GSE1: variants seen among roughly 807,000 people sequenced by gnomAD.
GSE1 encodes the protein Gse1 coiled-coil protein, also known as genetic suppressor element 1.
GSE1 carries 32 observed loss-of-function variants against 112.6 expected under a neutral mutation model. That is an observed-to-expected ratio of 0.28 (90% CI 0.21 to 0.38). GSE1 has a LOEUF of 0.38. Ranked by LOEUF, GSE1 falls within the 10% of genes least tolerant of loss-of-function variation. GSE1 has a pLI of 1.00. For synonymous variants in GSE1, 1,115 were observed against 735.6 expected, an observed-to-expected ratio of 1.52 and a Z score of -8.35; for missense variants, 2,348 against 1,699.2, an observed-to-expected ratio of 1.38 and a Z score of -6.71.
At chr16:85,297,858 T>C (rs1464604498) in intron 1 of GSE1, among the ~76,000 whole-genome samples, 2 of 152,164 alleles carry the variant, frequency 1.3e-5, no homozygotes, top group African/African-American at 2.4e-5. Context: ...GTTGCTGGGA[T>C]ATGAAATCTC....
intron 1 of GSE1, among the ~76,000 whole-genome samples, chr16:85,270,432 G>A (rs1908716587): frequency 6.7e-6 from 1 of 148,986 alleles, no homozygotes; most frequent in Admixed American, 6.7e-5. Flanking sequence ...GTGACTCTCC[G>A]AGGACACAGC....
chr16:85,630,030 C>A (rs2049410453), intron 1 of GSE1, among the ~76,000 whole-genome samples: 1 of 152,166 alleles, frequency 6.6e-6, no homozygotes, highest in Non-Finnish European at 1.5e-5. Flanking sequence ...GGGCTGCGGT[C>A]TCATCAGAAG....
At chr16:85,581,171 G>A (rs1399692839) in intron 1 of GSE1, among the ~76,000 whole-genome samples, 4 of 152,204 alleles carry the variant, frequency 2.6e-5, no homozygotes, top group Non-Finnish European at 4.4e-5. Context: ...TCCTCTCTCC[G>A]CAGCAGCTCT....
intron 2 of GSE1, among the ~76,000 whole-genome samples, chr16:85,478,949 T>C (rs34166351): frequency 0.31 from 21,782 of 71,112 alleles, 5,165 homozygotes; most frequent in Non-Finnish European, 0.35. Flanking sequence ...TTCTTTCTTT[T>C]TTTTTCTTTC....
At chr16:85,220,856 C>G (rs1464264591) in intron 1 of GSE1, among the ~76,000 whole-genome samples, 1 of 152,122 alleles carries the variant, frequency 6.6e-6, no homozygotes, top group Admixed American at 6.5e-5. Context: ...CTCCCCATCC[C>G]TTTTCCGTTG....
At chr16:85,250,279 C>G (rs891481374) in intron 1 of GSE1, among the ~76,000 whole-genome samples, 1 of 152,254 alleles carries the variant, frequency 6.6e-6, no homozygotes, top group Non-Finnish European at 1.5e-5. Flanking sequence ...GTCCTGGGTT[C>G]CCGGCAGAGG....
chr16:85,598,167 G>GTTTTTTTTTTTTT (rs973836177), intron 1 of GSE1, among the ~76,000 whole-genome samples: 5 of 71,550 alleles, frequency 7.0e-5, no homozygotes, highest in Admixed American at 1.6e-4. Flanking sequence ...AGGTTTGGTT[G>GTTTTTTTTTTTTT]TTTTTTTTTT....
intron 2 of GSE1, among the ~76,000 whole-genome samples, chr16:85,417,533 G>T (rs1449349725): frequency 6.6e-6 from 1 of 152,244 alleles, no homozygotes; most frequent in African/African-American, 2.4e-5. Context: ...GCAGCATAGC[G>T]GTAGGAAGCT....
chr16:85,261,170 C>T (rs768696500), intron 1 of GSE1, among the ~76,000 whole-genome samples: 19 of 152,194 alleles, frequency 1.2e-4, no homozygotes, highest in Non-Finnish European at 2.2e-4. Context: ...CCTGGGCTGC[C>T]GCATCCCAGC....
chr16:85,188,540 A>C (rs1352269484), intron 1 of GSE1, among the ~76,000 whole-genome samples: 1 of 152,082 alleles, frequency 6.6e-6, no homozygotes, highest in African/African-American at 2.4e-5. Flanking sequence ...GAGGCCAGGC[A>C]CAGTGGCTCC....
chr16:85,524,522 T>G (rs1280083730), intron 2 of GSE1, among the ~76,000 whole-genome samples: 1 of 151,860 alleles, frequency 6.6e-6, no homozygotes, highest in Non-Finnish European at 1.5e-5. Context: ...GGTCTTGCAG[T>G]CTGCATCTCG....
At chr16:85,226,438 G>A (rs574256145) in intron 1 of GSE1, among the ~76,000 whole-genome samples, 33 of 152,344 alleles carry the variant, frequency 2.2e-4, no homozygotes, top group African/African-American at 7.5e-4. Flanking sequence ...GACAAGTGGA[G>A]GGAGCATGCC....
At position 85,544,087 on chromosome 16, in the gene GSE1, G is replaced by A. The variant is rs534156295; in HGVS notation, c.2465-89827G>A. Among the ~76,000 whole-genome samples the A allele has an allele frequency of 2.5e-4, 38 of 152,230 alleles. 1 individual carries two copies. The highest frequency in any genetic ancestry group is 1.5e-3 in the East Asian group (8 of 5,182). ...TGGGCCCAAGTGATCCACCCACCTC[G>A]GCTTCCCACAGTGTTGGGATTACAG... On this transcript the variant is annotated intron_variant, in intron 2 of 2. Transcript: ENST00000637419.
At chr16:85,483,382 T>G (rs1335154588) in intron 2 of GSE1, among the ~76,000 whole-genome samples, 1 of 152,232 alleles carries the variant, frequency 6.6e-6, no homozygotes, top group East Asian at 1.9e-4. Context: ...CCTTCAACCT[T>G]GGGCAAGTCC....
rs560789113 is a variant in GSE1 at position 85,672,898 on chromosome 16, C to T, written c.*359C>T. 4.4e-5 allele frequency: 7 copies of T among 160,870 alleles called. No individual in the cohort carries two copies. The highest frequency in any genetic ancestry group is 1.9e-4 in the South Asian group (1 of 5,212). The allele number at this position is 160,870 out of a possible 1,614,324, so 10.0% of individuals were successfully genotyped here. A position where few individuals can be genotyped will look rare whatever the true frequency, so the allele number is the denominator to read the frequency against. The stretch of plus-strand genomic sequence containing the variant: ...CCCTGTGCATATGAGTGGATCAAAC[C>T]GGTTCTGTTCTTTCTTGTGTTGCCA... On this transcript the variant is annotated 3_prime_UTR_variant, in exon 16 of 16. Coordinates refer to ENST00000253458, the MANE Select transcript of GSE1 (RefSeq NM_014615.5).
At chr16:85,197,208 A>G (rs1435833019) in intron 1 of GSE1, among the ~76,000 whole-genome samples, 1 of 152,040 alleles carries the variant, frequency 6.6e-6, no homozygotes. Flanking sequence ...CGGTGGACCC[A>G]GAGCCACTTG....
At chr16:85,664,936 G>C (rs1042536563) in intron 11 of GSE1, 79 bp from the exon 12 acceptor site, 2 of 973,906 alleles carry the variant, frequency 2.1e-6, no homozygotes, top group African/African-American at 3.2e-5. Flanking sequence ...GCCCCTCAAG[G>C]CTCGGCTAGA....
chr16:85,337,730 C>T (rs1379734006), intron 1 of GSE1, among the ~76,000 whole-genome samples: 2 of 152,238 alleles, frequency 1.3e-5, no homozygotes, highest in African/African-American at 4.8e-5. Flanking sequence ...CCGGGCTTCT[C>T]TCAGCACAGG....
chr16:85,488,341 C>T (rs2050906262), intron 2 of GSE1, among the ~76,000 whole-genome samples: 1 of 152,182 alleles, frequency 6.6e-6, no homozygotes, highest in Admixed American at 6.5e-5. Context: ...TAGGAGTATG[C>T]TCAGAGTACA....
Sources: gnomAD v4.1 joint callset for allele counts (sites outside exome capture counted in the v4.1 genomes callset) on GRCh38, gnomAD v4.1.1 for gene constraint, MANE v1.5 for transcripts, NCBI Gene and HGNC (gene_info 2026-07-23, HGNC 2026-07-21) for gene names.